Variants in PIP5K1B observed in about 807,000 individuals in gnomAD.
PIP5K1B encodes phosphatidylinositol 4-phosphate 5-kinase type-1 beta.
Under a neutral mutation model 67.0 loss-of-function variants are expected in PIP5K1B, and 42 were observed. That is an observed-to-expected ratio of 0.63 (90% CI 0.49 to 0.81). The LOEUF (loss-of-function observed/expected upper bound fraction) is 0.81, where lower values mean the gene tolerates loss of function less well. PIP5K1B is among the 30% of genes least tolerant of loss of function. PIP5K1B has a pLI of 0.00. For synonymous variants in PIP5K1B, 214 were observed against 231.4 expected (o/e 0.92, Z 0.68); for missense variants, 459 against 646.3 (o/e 0.71, Z 3.14).
chr9:68,749,058 C>T (rs1829483994), intron 2 of PIP5K1B, among the ~76,000 whole-genome samples: 1 of 152,208 alleles, frequency 6.6e-6, no homozygotes, highest in Non-Finnish European at 1.5e-5. Flanking sequence ...GAAGTTCCCT[C>T]ATGGTAAAAT....
At chr9:68,957,234 G>C (rs1280847118) in intron 14 of PIP5K1B, among the ~76,000 whole-genome samples, 1 of 142,328 alleles carries the variant, frequency 7.0e-6, no homozygotes, top group Non-Finnish European at 1.5e-5. Flanking sequence ...AATAGAAAAA[G>C]AAAAAAAAAA....
chr9:68,939,597 C>T (rs181692275), intron 13 of PIP5K1B, among the ~76,000 whole-genome samples: 108 of 152,282 alleles, frequency 7.1e-4, no homozygotes, highest in African/African-American at 2.6e-3. Context: ...TTTTATCCAT[C>T]GCTGCAGTTT....
At chr9:68,838,758 A>G (rs1178076503) in intron 4 of PIP5K1B, among the ~76,000 whole-genome samples, 1 of 152,174 alleles carries the variant, frequency 6.6e-6, no homozygotes, top group Admixed American at 6.5e-5. Context: ...AAAACTTGAA[A>G]TAAATTTTTT....
intron 2 of PIP5K1B, chr9:68,783,477 G>C (rs1831421546): frequency 6.0e-6 from 1 of 166,926 alleles, no homozygotes; most frequent in South Asian, 2.1e-4. Flanking sequence ...TTAAAAGTCT[G>C]CTTTTAATTA....
chr9:68,777,811 T>C (rs532670780), intron 2 of PIP5K1B, among the ~76,000 whole-genome samples: 4 of 152,374 alleles, frequency 2.6e-5, no homozygotes, highest in South Asian at 2.1e-4. Flanking sequence ...TAATATGCTG[T>C]GGGTATTATA....
At chr9:68,822,500 A>C in intron 3 of PIP5K1B, 115 bp from the exon 4 acceptor site, 1 of 697,572 alleles carries the variant, frequency 1.4e-6, no homozygotes, top group Non-Finnish European at 2.4e-6. Context: ...AACAACAGCA[A>C]TAGCAATAAC....
chr9:68,780,214 G>C, intron 2 of PIP5K1B: 1 of 1,540,702 alleles, frequency 6.5e-7, no homozygotes, highest in Non-Finnish European at 8.7e-7. Context: ...CCGGGTACGG[G>C]CGGGAGCCCG....
At chr9:68,748,304 C>G (rs539669803) in intron 2 of PIP5K1B, among the ~76,000 whole-genome samples, 2 of 152,356 alleles carry the variant, frequency 1.3e-5, no homozygotes, top group East Asian at 3.9e-4. Flanking sequence ...CACAGACACA[C>G]AGTCCCACCA....
Position 68,888,999 on chromosome 9 carries a change from C to A in PIP5K1B, c.337C>A (p.Pro113Thr). Reference sequence around the variant, plus strand: ...CTTTTAGTATTCCATCTGCAGTGAACCTCTAATAGAACTGTCTAACCCTGG... The same window carrying A: ...CTTTTAGTATTCCATCTGCAGTGAAACTCTAATAGAACTGTCTAACCCTGG... ...DDYLYSICSEPLIELSNPGAS... is the reference protein window; with the variant it reads ...DDYLYSICSETLIELSNPGAS... The change falls in exon 7 of 16, where the codon CCT becomes ACT. Residue 113 changes from proline (P) to threonine (T), a missense_variant. Transcript: ENST00000265382. 1 of 1,609,892 alleles carries A rather than the reference C, an allele frequency of 6.2e-7. No individual in the cohort carries two copies. The highest frequency in any genetic ancestry group is 8.5e-7 in the Non-Finnish European group (1 of 1,176,496).
intron 14 of PIP5K1B, among the ~76,000 whole-genome samples, chr9:68,985,885 C>T (rs1017745023): frequency 6.6e-6 from 1 of 152,202 alleles, no homozygotes; most frequent in Non-Finnish European, 1.5e-5. Context: ...CTATGACTGG[C>T]GTCTTTCACT....
intron 2 of PIP5K1B, chr9:68,789,435 CAAAT>C (rs1178130855): frequency 1.5e-5 from 7 of 478,298 alleles, no homozygotes; most frequent in Non-Finnish European, 2.5e-5. Flanking sequence ...GAAACTCTGA[CAAAT>C]AGAGGGGAGA....
chr9:68,905,606 A>G (rs1469283683), intron 8 of PIP5K1B, among the ~76,000 whole-genome samples: 1 of 152,152 alleles, frequency 6.6e-6, no homozygotes, highest in African/African-American at 2.4e-5. Flanking sequence ...TGGTTCAGAA[A>G]TGTGCCTTGT....
intron 15 of PIP5K1B, among the ~76,000 whole-genome samples, chr9:68,993,647 G>C (rs943908886): frequency 1.3e-5 from 2 of 151,996 alleles, no homozygotes; most frequent in South Asian, 4.1e-4. Context: ...AATTAAATAG[G>C]GAAAAAAATA....
intron 5 of PIP5K1B, among the ~76,000 whole-genome samples, chr9:68,866,278 A>G (rs1268271673): frequency 6.6e-6 from 1 of 151,384 alleles, no homozygotes; most frequent in Non-Finnish European, 1.5e-5. Flanking sequence ...TCTGGGCGAC[A>G]GGGTGGTACT....
At chr9:68,791,049 C>T (rs1831940022) in intron 2 of PIP5K1B, among the ~76,000 whole-genome samples, 1 of 152,160 alleles carries the variant, frequency 6.6e-6, no homozygotes, top group African/African-American at 2.4e-5. Context: ...TGTATCAATG[C>T]CAGGTATAAT....
At chr9:68,941,399 A>C (rs777272746) in intron 14 of PIP5K1B, among the ~76,000 whole-genome samples, 1 of 152,208 alleles carries the variant, frequency 6.6e-6, no homozygotes, top group South Asian at 2.1e-4. Context: ...AGAAGGAGAC[A>C]CAACATCAGA....
chr9:68,928,434 GC>G (rs1362830348), intron 12 of PIP5K1B, among the ~76,000 whole-genome samples: 2 of 152,136 alleles, frequency 1.3e-5, no homozygotes, highest in African/African-American at 4.8e-5. Flanking sequence ...TTTTAGTTAA[GC>G]CTTATGCTTA....
intron 14 of PIP5K1B, chr9:68,965,624 A>C (rs564735690): frequency 6.6e-6 from 1 of 152,322 alleles, no homozygotes; most frequent in East Asian, 1.9e-4. Flanking sequence ...CAGTGGTTCC[A>C]TACTTAAACC....
chr9:68,736,739 G>C (rs111667685), intron 1 of PIP5K1B, among the ~76,000 whole-genome samples: 11 of 152,206 alleles, frequency 7.2e-5, no homozygotes, highest in African/African-American at 2.6e-4. Context: ...TGAACCTCCT[G>C]TCTCCCACTT....
Sources: allele counts gnomAD v4.1 joint callset (sites outside exome capture counted in the v4.1 genomes callset), GRCh38; gene constraint gnomAD v4.1.1; transcripts MANE v1.5; gene names NCBI Gene and HGNC (gene_info 2026-07-23, HGNC 2026-07-21).